The following MCM10 variants were observed in gnomAD, a reference collection of about 807,000 sequenced individuals.
MCM10 encodes the protein minichromosome maintenance 10 replication initiation factor.
Under a neutral mutation model 109.9 loss-of-function variants are expected in MCM10, and 91 were observed. The ratio of observed to expected loss-of-function variants is 0.83; its 90% CI spans 0.70 to 0.99. The LOEUF (loss-of-function observed/expected upper bound fraction) is 0.99, where lower values mean the gene tolerates loss of function less well. Ranked by LOEUF, MCM10 falls within the 50% of genes least tolerant of loss-of-function variation. The pLI is 0.00. For missense variants in MCM10, 1,077 were observed against 1,061.2 expected (o/e 1.01, Z -0.21); for synonymous variants, 380 against 387.2 (o/e 0.98, Z 0.22).
In MCM10 at chr10:13,182,896, A is replaced by G; in HGVS notation, c.931-37A>G. On this transcript the variant is annotated intron_variant, in intron 7 of 19. Coordinates refer to ENST00000378714, the MANE Select transcript of MCM10 (RefSeq NM_018518.5). This position sits in a 1 kb window ranked among gnomAD's most constrained non-coding sequence, Gnocchi z 4.2. ...ATCATAAATGAGGACGGCATAACCT[A>G]CAGTTCAAAATTATAAAAAATAACT... is the stretch of plus-strand genomic sequence containing the variant. 1 of 1,538,304 alleles carries G rather than the reference A, an allele frequency of 6.5e-7. No homozygotes were observed. The highest frequency in any genetic ancestry group is 8.9e-7 in the Non-Finnish European group (1 of 1,119,648).
At chr10:13,206,899 G>T (rs1022903387) in intron 18 of MCM10, among the ~76,000 whole-genome samples, 2 of 151,904 alleles carry the variant, frequency 1.3e-5, no homozygotes, top group Admixed American at 6.6e-5. Flanking sequence ...TGAACTCATG[G>T]GCTCAAGCGA....
chr10:13,200,508 C>T (rs764862298), intron 16 of MCM10, among the ~76,000 whole-genome samples: 2 of 152,226 alleles, frequency 1.3e-5, no homozygotes, highest in Non-Finnish European at 2.9e-5. Flanking sequence ...GACAGTTCTG[C>T]ATCATATCTT....
Position 13,195,126 on chromosome 10 carries a change from T to A in MCM10, c.1831T>A (p.Ser611Thr). The A allele has an allele frequency of 6.2e-7, 1 of 1,614,186 alleles. No homozygotes were observed. The highest frequency in any genetic ancestry group is 8.5e-7 in the Non-Finnish European group (1 of 1,180,028). The change falls in exon 14 of 20, where the codon TCC (serine) becomes ACC (threonine). Residue 611 changes from serine (S) to threonine (T), a missense_variant. Coordinates refer to ENST00000378714, the MANE Select transcript of MCM10 (RefSeq NM_018518.5). The stretch of plus-strand genomic sequence containing the variant: ...CCCTGCTCAGCCTCCACGGACAGGA[T>A]CCGAGTTCCCCAGGCTGGAGGGAGC... ...QPPAQPPRTG[S>T]EFPRLEGAPA...
chr10:13,197,667 A>G lies in MCM10; in HGVS notation c.2019A>G (p.Thr673=), dbSNP rs762679659. ...TKLRAKGQVL[T]KTNPNSIKKK... The stretch of plus-strand genomic sequence containing the variant: ...TAAGGGCAAAAGGCCAGGTTCTTAC[A>G]AAAACAAACCCAAACAGCATTAAGA... The change falls in exon 15 of 20, where the codon ACA becomes ACG. Residue 673 remains threonine, a synonymous_variant. Coordinates refer to ENST00000378714, the MANE Select transcript of MCM10 (RefSeq NM_018518.5). 3.1e-6 allele frequency: 5 copies of G among 1,614,096 alleles called. No individual in the cohort carries two copies. The highest frequency in any genetic ancestry group is 3.4e-6 in the Non-Finnish European group (4 of 1,179,980).
At chr10:13,165,478 T>C (rs1018357884) in intron 2 of MCM10, among the ~76,000 whole-genome samples, 2 of 152,240 alleles carry the variant, frequency 1.3e-5, no homozygotes, top group Non-Finnish European at 2.9e-5. Context: ...AAAGCATCAC[T>C]TTTTGCTATC....
In MCM10 at chr10:13,209,794, T is replaced by C. The variant is rs538873982; in HGVS notation, c.*484T>C. On this transcript the variant is annotated 3_prime_UTR_variant, in exon 20 of 20. Coordinates refer to ENST00000378714, the MANE Select transcript of MCM10 (RefSeq NM_018518.5). ...GATTGGACTAAGTGATCCTGAAATG[T>C]ATTTTTTAGCACTGGATTTCTACAA... 33 of 156,552 alleles carry C rather than the reference T, an allele frequency of 2.1e-4. No individual in the cohort carries two copies. The highest frequency in any genetic ancestry group is 5.6e-4 in the Admixed American group (9 of 16,056). The allele number at this position is 156,552 out of a possible 1,614,324, so 9.7% of individuals were successfully genotyped here.
intron 10 of MCM10, 57 bp downstream of exon 10, chr10:13,189,137 C>T: frequency 6.4e-7 from 1 of 1,565,436 alleles, no homozygotes; most frequent in Admixed American, 1.7e-5. Flanking sequence ...AAGACTAAAC[C>T]TACTGGTTGT....
At chr10:13,205,110 T>C (rs1834562107) in intron 18 of MCM10, among the ~76,000 whole-genome samples, 1 of 149,550 alleles carries the variant, frequency 6.7e-6, no homozygotes, top group Non-Finnish European at 1.5e-5. Flanking sequence ...ATAGTTTGTG[T>C]AATAGTAAAG....
chr10:13,191,921 A>C (rs1352413211), intron 11 of MCM10, among the ~76,000 whole-genome samples: 1 of 152,172 alleles, frequency 6.6e-6, no homozygotes, highest in Non-Finnish European at 1.5e-5. Context: ...ACAAATAAAA[A>C]CAAGTCTTGA....
At position 13,171,280 on chromosome 10, in the gene MCM10, C is replaced by G. The variant is rs1463073841; in HGVS notation, c.349+17C>G. 7 of 1,579,318 alleles carry G rather than the reference C, an allele frequency of 4.4e-6. No homozygotes were observed. Among genetic ancestry groups the G allele is most frequent in the Non-Finnish European group, 5.2e-6 (6 of 1,163,788 alleles). ...AGTTGCAAGGTGCCCTAACTACTTG[C>G]CTTCCTTATTTCTTTCGGATAAGTT... On this transcript the variant is annotated intron_variant, in intron 3 of 19. Transcript: ENST00000378714.
chr10:13,175,289 C>T (rs1834126001), intron 5 of MCM10, among the ~76,000 whole-genome samples: 1 of 151,976 alleles, frequency 6.6e-6, no homozygotes, highest in Admixed American at 6.6e-5. Context: ...AAAAATTAGC[C>T]GAGCATGGTG....
At chr10:13,195,349 C>T (rs1834403510) in intron 14 of MCM10, 80 bp downstream of exon 14, 5 of 1,023,550 alleles carry the variant, frequency 4.9e-6, no homozygotes, top group Non-Finnish European at 7.1e-6. Context: ...CACCTAATAG[C>T]TCTTTATTGA....
chr10:13,175,585 G>A lies in MCM10; in HGVS notation c.668G>A (p.Ser223Asn). Residue 223 changes from serine (S) to asparagine (N), a missense_variant, in exon 6 of 20, where the codon AGT (serine) becomes AAT (asparagine). Physicochemically the swap from Ser to Asn is conservative, Grantham distance 46. Coordinates refer to ENST00000378714, the MANE Select transcript of MCM10 (RefSeq NM_018518.5). ...CAGACGATTTCTCGGAACAAACCTAGTGGGATAACTAGAGGTCAAATTGTG... is the reference window on the plus strand; with the variant it reads ...CAGACGATTTCTCGGAACAAACCTAATGGGATAACTAGAGGTCAAATTGTG... Reference protein sequence around the residue: ...PLQTISRNKPSGITRGQIVGT... With the variant: ...PLQTISRNKPNGITRGQIVGT... 1 of 1,614,068 alleles carries A rather than the reference G, an allele frequency of 6.2e-7. No homozygotes were observed.
chr10:13,180,319 T>G (rs1834193812), intron 6 of MCM10, 123 bp from the exon 7 acceptor site: 1 of 676,098 alleles, frequency 1.5e-6, no homozygotes, highest in East Asian at 2.9e-5. Flanking sequence ...ACTATATAAC[T>G]AAGCTTCCCA....
intron 2 of MCM10, 58 bp downstream of exon 2, chr10:13,164,267 G>T: frequency 6.6e-7 from 1 of 1,517,550 alleles, no homozygotes; most frequent in South Asian, 1.3e-5. Context: ...TTTTGTCCAT[G>T]GACTTGTTAT....
chr10:13,178,779 G>A (rs55835029), intron 6 of MCM10, among the ~76,000 whole-genome samples: 2,657 of 152,264 alleles, frequency 0.017, 42 homozygotes, highest in Non-Finnish European at 0.026. Flanking sequence ...TTGCATTGAC[G>A]CTCTAGATTG....
intron 2 of MCM10, among the ~76,000 whole-genome samples, chr10:13,165,052 A>AC (rs1307833442): frequency 2.6e-5 from 4 of 152,070 alleles, no homozygotes; most frequent in Admixed American, 2.0e-4. Context: ...TGCACAGTGG[A>AC]CCCCCGTTGT....
chr10:13,207,968 C>T (rs1458802902), intron 18 of MCM10, among the ~76,000 whole-genome samples: 2 of 146,310 alleles, frequency 1.4e-5, no homozygotes, highest in Non-Finnish European at 1.5e-5. Flanking sequence ...ACTTCCTTAG[C>T]TTTATTATAT....
At chr10:13,192,634 C>A in intron 13 of MCM10, 66 bp downstream of exon 13, 2 of 1,398,768 alleles carry the variant, frequency 1.4e-6, no homozygotes, top group South Asian at 1.2e-5. Flanking sequence ...AGAACGTCTT[C>A]ATCGATTTCC....
Sources: allele counts gnomAD v4.1 joint callset (sites outside exome capture counted in the v4.1 genomes callset), GRCh38; gene constraint gnomAD v4.1.1; non-coding constraint Gnocchi (gnomAD v3.1); transcripts MANE v1.5; gene names NCBI Gene and HGNC (gene_info 2026-07-23, HGNC 2026-07-21).